The following AVIL variants were observed in gnomAD, a reference collection of about 807,000 sequenced individuals.
The protein encoded by AVIL is advillin.
In AVIL, 78 loss-of-function variants were observed where a neutral mutation model predicts 109.9. That is an observed-to-expected ratio of 0.71 (90% CI 0.59 to 0.86). The LOEUF (loss-of-function observed/expected upper bound fraction) is 0.86. Ranked by LOEUF, AVIL falls within the 40% of genes least tolerant of loss-of-function variation. The probability of loss-of-function intolerance (pLI) is 0.00; values close to 1 mark genes in which losing one functional copy is unlikely to be tolerated. For missense variants in AVIL, 892 were observed against 1,016.5 expected, an observed-to-expected ratio of 0.88 and a Z score of 1.67; for synonymous variants, 367 against 379.1, an observed-to-expected ratio of 0.97 and a Z score of 0.37.
At chr12:57,806,595 T>C in intron 13 of AVIL, 56 bp from the exon 14 acceptor site, 1 of 1,583,382 alleles carries the variant, frequency 6.3e-7, no homozygotes, top group South Asian at 1.1e-5. Flanking sequence ...AGCAGAGTGC[T>C]AGAGGAGCTG....
In AVIL at chr12:57,810,490, A is replaced by C. The variant is rs1956022082; in HGVS notation, c.620T>G (p.Val207Gly). ...GGCTGCCTCCTTGTCTCCCTCGATC[A>C]CTCCTATTTTAGCACGGCCCCCTCG... The part of the protein sequence containing the change: ...RERGGRAKIG[V>G]IEGDKEAASP... The change falls in exon 7 of 20, where the codon GTG becomes GGG. Residue 207 changes from valine (V) to glycine (G), a missense_variant. Val to Gly is a moderately radical substitution (Grantham distance 109). Coordinates refer to ENST00000549994, the MANE Select transcript of AVIL (RefSeq NM_006576.4). 1 of 1,613,750 alleles carries C rather than the reference A, an allele frequency of 6.2e-7. No individual in the cohort carries two copies. Among genetic ancestry groups the C allele is most frequent in the Non-Finnish European group, 8.5e-7 (1 of 1,179,988 alleles).
At chr12:57,800,070 G>T in intron 18 of AVIL, 150 bp from the exon 19 acceptor site, 1 of 1,055,854 alleles carries the variant, frequency 9.5e-7, no homozygotes, top group Non-Finnish European at 1.4e-6. Flanking sequence ...AAACCTGGCT[G>T]CATGTCAGAA....
chr12:57,810,111 GC>G (rs1956015693), intron 7 of AVIL, among the ~76,000 whole-genome samples: 1 of 152,166 alleles, frequency 6.6e-6, no homozygotes, highest in South Asian at 2.1e-4. Flanking sequence ...ACATCCCTGG[GC>G]ATGTGTAGGC....
Position 57,811,118 on chromosome 12 carries a change from C to T in AVIL, c.348G>A (p.Gln116=). 6.2e-7 allele frequency: 1 copy of T among 1,614,108 alleles called. No homozygotes were observed. The highest frequency in any genetic ancestry group is 8.5e-7 in the Non-Finnish European group (1 of 1,179,980). The part of the protein sequence containing the change: ...GYFKQGIIYK[Q]GGVASGMKHV... Reference sequence around the variant, plus strand: ...GCTTCATCCCAGAGGCGACACCCCCCTGCTTGTAGCTAAGGGAACATCCAT... The same window carrying T: ...GCTTCATCCCAGAGGCGACACCCCCTTGCTTGTAGCTAAGGGAACATCCAT... The change falls in exon 5 of 20, where the codon CAG becomes CAA. Residue 116 remains glutamine, a synonymous_variant. Transcript: ENST00000549994.
rs1956059841 is a variant in AVIL at position 57,813,275 on chromosome 12, T to C, written c.290A>G (p.Gln97Arg). ...GGSPVQHREV[Q>R]YHESDTFRGY... The stretch of plus-strand genomic sequence containing the variant: ...ACGGAAAGTGTCTGACTCATGGTAC[T>C]GGACCTCTCGGTGCTGCACAGGGCT... The change falls in exon 4 of 20, where the codon CAG becomes CGG. Residue 97 changes from glutamine (Q) to arginine (R), a missense_variant. Coordinates refer to ENST00000549994, the MANE Select transcript of AVIL (RefSeq NM_006576.4). 1.2e-6 allele frequency: 2 copies of C among 1,614,132 alleles called. No individual in the cohort carries two copies. The highest frequency in any genetic ancestry group is 1.7e-6 in the Non-Finnish European group (2 of 1,180,030).
At chr12:57,814,100 A>G (rs1218011529) in intron 3 of AVIL, 52 bp downstream of exon 3, 1 of 1,591,328 alleles carries the variant, frequency 6.3e-7, no homozygotes, top group Non-Finnish European at 8.6e-7. Context: ...AGTACAGCCC[A>G]AGAACTGGCC....
At chr12:57,807,076 G>A (rs1223592653) in intron 13 of AVIL, among the ~76,000 whole-genome samples, 1 of 152,180 alleles carries the variant, frequency 6.6e-6, no homozygotes, top group Non-Finnish European at 1.5e-5. Flanking sequence ...GGGAGCTGAG[G>A]GTGGTGCACC....
At position 57,801,203 on chromosome 12, in the gene AVIL, T is replaced by C. The variant is rs1352865512; in HGVS notation, c.2161A>G (p.Thr721Ala). The C allele has an allele frequency of 6.2e-7, 1 of 1,613,168 alleles. No individual in the cohort carries two copies. Among genetic ancestry groups the C allele is most frequent in the Non-Finnish European group, 8.5e-7 (1 of 1,179,484 alleles). Residue 721 changes from threonine (T) to alanine (A), a missense_variant, in exon 18 of 20, where the codon ACA becomes GCA. Transcript: ENST00000549994. ...AGCTCTTCTTTTAATTGTTCATATG[T>C]TTTTCCTGCCTGAGAAGAAGAGAGA... ...WDPNIWSAGK[T>A]YEQLKEELGD...
chr12:57,811,344 T>G (rs780632424), intron 4 of AVIL, among the ~76,000 whole-genome samples: 1 of 152,082 alleles, frequency 6.6e-6, no homozygotes, highest in Non-Finnish European at 1.5e-5. Context: ...ACATTTGAAC[T>G]GAGATACTAC....
At chr12:57,803,217 C>T (rs779240391) in intron 16 of AVIL, 30 bp downstream of exon 16, 4 of 1,613,292 alleles carry the variant, frequency 2.5e-6, no homozygotes, top group African/African-American at 2.7e-5. Context: ...GAGTCTTTCT[C>T]ATGTTCTGAC....
chr12:57,807,185 C>T (rs1955960358), intron 13 of AVIL, 146 bp downstream of exon 13: 8 of 1,214,258 alleles, frequency 6.6e-6, no homozygotes, highest in Non-Finnish European at 9.4e-6. Context: ...ACTTGACTGT[C>T]TTAGAGGGAT....
chr12:57,798,576 A>T (rs2140432836), intron 19 of AVIL, among the ~76,000 whole-genome samples: 1 of 152,118 alleles, frequency 6.6e-6, no homozygotes, highest in African/African-American at 2.4e-5. Context: ...GTCTGTGCCT[A>T]AATCAACTTC....
intron 19 of AVIL, among the ~76,000 whole-genome samples, chr12:57,798,355 C>T (rs1595151661): frequency 6.6e-6 from 1 of 152,078 alleles, no homozygotes. Context: ...TGTTTTCTGC[C>T]CGTAACTACC....
chr12:57,808,654 C>G, intron 9 of AVIL, 106 bp from the exon 10 acceptor site: 2 of 1,325,358 alleles, frequency 1.5e-6, no homozygotes, highest in South Asian at 1.5e-5. Flanking sequence ...AAGCGTCTCC[C>G]CTCTGGGAGT....
intron 17 of AVIL, 122 bp from the exon 18 acceptor site, chr12:57,801,334 T>G: frequency 1.3e-6 from 1 of 742,694 alleles, no homozygotes; most frequent in South Asian, 1.8e-5. Flanking sequence ...ATTTCAAGGA[T>G]AAGTAAAAAT....
At chr12:57,800,517 T>A (rs1955824300) in intron 18 of AVIL, 1 of 152,792 alleles carries the variant, frequency 6.5e-6, no homozygotes, top group South Asian at 2.1e-4. Flanking sequence ...AAAATGTCAT[T>A]TGGGTTAGAA....
intron 16 of AVIL, 164 bp from the exon 17 acceptor site, chr12:57,802,512 C>T (rs1453295721): frequency 1.2e-6 from 1 of 844,784 alleles, no homozygotes; most frequent in Admixed American, 2.0e-5. Context: ...TTCCCAGAAT[C>T]AGCTTGATGT....
intron 11 of AVIL, 108 bp from the exon 12 acceptor site, chr12:57,807,835 T>G: frequency 6.9e-7 from 1 of 1,457,454 alleles, no homozygotes; most frequent in Non-Finnish European, 9.6e-7. Flanking sequence ...TTACTCCATG[T>G]TCCCTTTCTC....
At chr12:57,807,866 C>A in intron 11 of AVIL, 139 bp from the exon 12 acceptor site, 2 of 1,214,344 alleles carry the variant, frequency 1.6e-6, no homozygotes, top group Non-Finnish European at 2.4e-6. Context: ...TCTCCCAGTG[C>A]TGAGGACTCA....
Sources: gnomAD v4.1 joint callset for allele counts (sites outside exome capture counted in the v4.1 genomes callset) on GRCh38, gnomAD v4.1.1 for gene constraint, MANE v1.5 for transcripts, NCBI Gene and HGNC (gene_info 2026-07-23, HGNC 2026-07-21) for gene names.